ZDHHC11B: variants seen among roughly 807,000 people sequenced by gnomAD.
ZDHHC11B encodes the protein zDHHC palmitoyltransferase 11B (putative), also known as probable palmitoyltransferase ZDHHC11B.
A neutral mutation model predicts 42.3 loss-of-function variants in ZDHHC11B; 17 were observed. The observed-to-expected ratio is 0.40, with a 90% CI of 0.27 to 0.60. The LOEUF is 0.60. Ranked by LOEUF, ZDHHC11B falls within the 20% of genes least tolerant of loss-of-function variation. The pLI is 0.41. For synonymous variants in ZDHHC11B, 123 were observed against 193.5 expected (o/e 0.64, Z 3.02); for missense variants, 262 against 463.2 (o/e 0.57, Z 3.99).
At chr5:715,472 A>C (rs1427978513) in intron 13 of ZDHHC11B, among the ~76,000 whole-genome samples, 1 of 149,998 alleles carries the variant, frequency 6.7e-6, no homozygotes, top group African/African-American at 2.5e-5. Context: ...CCACTGAGAC[A>C]ATTTTTTACA....
chr5:734,180 C>T (rs1426185258), intron 10 of ZDHHC11B, among the ~76,000 whole-genome samples: 2 of 142,168 alleles, frequency 1.4e-5, no homozygotes, highest in Non-Finnish European at 3.1e-5. Flanking sequence ...ATGCAGCTCC[C>T]ACATGGAGAG....
intron 9 of ZDHHC11B, among the ~76,000 whole-genome samples, chr5:744,929 T>A (rs1293770260): frequency 6.8e-6 from 1 of 147,136 alleles, no homozygotes; most frequent in African/African-American, 2.5e-5. Context: ...TAGTGCAGTA[T>A]AGAAATGTCC....
intron 1 of ZDHHC11B, among the ~76,000 whole-genome samples, chr5:784,039 C>T (rs549869516): frequency 1.3e-5 from 2 of 151,524 alleles, no homozygotes; most frequent in African/African-American, 2.4e-5. Context: ...GTCCCGGCAG[C>T]GCCTCTCCAT....
intron 12 of ZDHHC11B, among the ~76,000 whole-genome samples, chr5:718,127 T>C (rs1328891599): frequency 7.2e-5 from 11 of 151,774 alleles, no homozygotes; most frequent in Non-Finnish European, 1.3e-4. Flanking sequence ...CAAAGTATGA[T>C]AGGTGAAATG....
chr5:769,476 C>T (rs1735786031), intron 1 of ZDHHC11B, among the ~76,000 whole-genome samples: 1 of 151,322 alleles, frequency 6.6e-6, no homozygotes, highest in Non-Finnish European at 1.5e-5. Context: ...CGTTTCTATC[C>T]TTCACACACT....
In ZDHHC11B at chr5:775,732, G is replaced by A. The variant is rs1483349853; in HGVS notation, c.-229-6802C>T. 2.0e-5 allele frequency among the ~76,000 whole-genome samples: 3 copies of A among 151,816 alleles called. 1 individual carries two copies. Among genetic ancestry groups the A allele is most frequent in the Non-Finnish European group, 4.4e-5 (3 of 67,898 alleles). ...CCCAGGAGTCCAACGTGCTGTGACTGCAGGATGCCCCTGGCAGGGGCCATG... is the reference window on the plus strand; with the variant it reads ...CCCAGGAGTCCAACGTGCTGTGACTACAGGATGCCCCTGGCAGGGGCCATG... On this transcript the variant is annotated intron_variant, in intron 1 of 13. Transcript: ENST00000508859.
intron 4 of ZDHHC11B, among the ~76,000 whole-genome samples, chr5:756,758 C>T (rs1733911121): frequency 6.6e-6 from 1 of 151,746 alleles, no homozygotes; most frequent in East Asian, 1.9e-4. Context: ...ACAGGAGGAG[C>T]AGGGGGAGGA....
chr5:757,508 C>T (rs1355549176), intron 4 of ZDHHC11B, among the ~76,000 whole-genome samples: 2 of 151,910 alleles, frequency 1.3e-5, no homozygotes, highest in Admixed American at 6.6e-5. Context: ...CCTGGCACCA[C>T]CTTGGGGCAT....
chr5:724,939 C>A (rs1446860582), intron 12 of ZDHHC11B, among the ~76,000 whole-genome samples: 1 of 146,700 alleles, frequency 6.8e-6, no homozygotes, highest in African/African-American at 2.6e-5. Context: ...GCACCCCTCG[C>A]TGAGATGCAC....
Position 765,855 on chromosome 5 carries a change from C to T in ZDHHC11B, c.222+843G>A, listed in dbSNP as rs141581165. 1.0e-3 allele frequency among the ~76,000 whole-genome samples: 157 copies of T among 151,960 alleles called. 3 individuals carry two copies. Among genetic ancestry groups the T allele is most frequent in the African/African-American group, 3.5e-3 (145 of 41,394 alleles). On this transcript the variant is annotated intron_variant, in intron 4 of 13. Coordinates refer to ENST00000508859, the MANE Select transcript of ZDHHC11B (RefSeq NM_001351303.2). ...CTGTAACACTCACCGCGAGGGTCTG[C>T]GGCTTCATTCTTGAAGTTGGTGAGA...
intron 8 of ZDHHC11B, among the ~76,000 whole-genome samples, chr5:745,790 C>G (rs1009588189): frequency 6.7e-6 from 1 of 149,960 alleles, no homozygotes; most frequent in South Asian, 2.2e-4. Flanking sequence ...TGCACAGAGA[C>G]CCCACAGTCG....
intron 1 of ZDHHC11B, among the ~76,000 whole-genome samples, chr5:778,584 C>T (rs1240721744): frequency 4.0e-5 from 6 of 151,858 alleles, no homozygotes; most frequent in Admixed American, 1.3e-4. Flanking sequence ...CTTGGGTTAC[C>T]CTTGGGGCTC....
intron 4 of ZDHHC11B, among the ~76,000 whole-genome samples, chr5:763,238 A>G (rs1734847130): frequency 6.6e-6 from 1 of 151,510 alleles, no homozygotes; most frequent in Non-Finnish European, 1.5e-5. Context: ...GCGTGGTGGC[A>G]CACACCTGTA....
At chr5:762,985 A>T (rs1275887108) in intron 4 of ZDHHC11B, among the ~76,000 whole-genome samples, 1 of 151,904 alleles carries the variant, frequency 6.6e-6, no homozygotes, top group Non-Finnish European at 1.5e-5. Context: ...CTCAGACCCT[A>T]CAGATGGGAA....
In ZDHHC11B at chr5:751,445, AG is replaced by A. The variant is rs1745694689; in HGVS notation, c.504-189del. ...GGTGTGGGGGCGGGGAGGCAGGGGC[AG>A]GGACACGCAGGGCATCTGAGGCAGG... On this transcript the variant is annotated intron_variant, in intron 6 of 13. Transcript: ENST00000508859. Among the ~76,000 whole-genome samples, 3 of 26,716 alleles carry A rather than the reference AG, an allele frequency of 1.1e-4. 1 individual carries two copies. The highest frequency in any genetic ancestry group is 1.8e-4 in the Non-Finnish European group (2 of 10,902). The allele number at this position is 26,716 out of a possible 152,430, so 17.5% of individuals were successfully genotyped here.
intron 12 of ZDHHC11B, among the ~76,000 whole-genome samples, chr5:725,115 T>C (rs1306970968): frequency 2.6e-5 from 4 of 151,346 alleles, no homozygotes; most frequent in East Asian, 1.9e-4. Flanking sequence ...GGGACCCGGA[T>C]GACAGGATTC....
rs1016075588 is a variant in ZDHHC11B at position 733,028 on chromosome 5, T to C, written c.1023+724A>G. Among the ~76,000 whole-genome samples, 13 of 151,660 alleles carry C rather than the reference T, an allele frequency of 8.6e-5. 1 individual carries two copies. Among genetic ancestry groups the C allele is most frequent in the Admixed American group, 4.6e-4 (7 of 15,236 alleles). On this transcript the variant is annotated intron_variant, in intron 11 of 13. Transcript: ENST00000508859. ...GCCATTATCCCACCACTGCCATCCATGTTGGGTGATGGAGTGAGATCTCAT... is the reference window on the plus strand; with the variant it reads ...GCCATTATCCCACCACTGCCATCCACGTTGGGTGATGGAGTGAGATCTCAT...
chr5:739,921 G>A (rs1231281304), intron 10 of ZDHHC11B, among the ~76,000 whole-genome samples: 1 of 151,304 alleles, frequency 6.6e-6, no homozygotes, highest in South Asian at 2.1e-4. Context: ...CTGTATATAT[G>A]TAAATACCAT....
intron 12 of ZDHHC11B, among the ~76,000 whole-genome samples, chr5:722,228 C>G (rs1276133633): frequency 6.6e-6 from 1 of 151,872 alleles, no homozygotes; most frequent in Non-Finnish European, 1.5e-5. Context: ...AATGCATGAT[C>G]TGGTTTCTAG....
Sources: allele counts gnomAD v4.1 joint callset (sites outside exome capture counted in the v4.1 genomes callset), GRCh38; gene constraint gnomAD v4.1.1; transcripts MANE v1.5; gene names NCBI Gene and HGNC (gene_info 2026-07-23, HGNC 2026-07-21).